Variants in LRRTM4 observed in about 807,000 individuals in gnomAD.
LRRTM4 encodes the protein leucine-rich repeat transmembrane neuronal protein 4.
A neutral mutation model predicts 47.6 loss-of-function variants in LRRTM4; 25 were observed. That is an observed-to-expected ratio of 0.53 (90% confidence interval 0.38 to 0.73). LRRTM4 has a LOEUF of 0.73. Among genes scored for constraint, LRRTM4 ranks in the 30% least tolerant of loss-of-function variants. LRRTM4 has a pLI of 0.00. For synonymous variants in LRRTM4, 311 were observed against 269.5 expected, an observed-to-expected ratio of 1.15 and a Z score of -1.51; for missense variants, 638 against 713.4, an observed-to-expected ratio of 0.89 and a Z score of 1.20.
intron 3 of LRRTM4, among the ~76,000 whole-genome samples, chr2:77,183,144 G>T (rs1363704536): frequency 6.6e-6 from 1 of 152,086 alleles, no homozygotes; most frequent in Admixed American, 6.6e-5. Flanking sequence ...AGAGTGAACA[G>T]GCAACCTACA....
At chr2:77,428,778 A>T (rs1248136692) in intron 3 of LRRTM4, among the ~76,000 whole-genome samples, 1 of 152,208 alleles carries the variant, frequency 6.6e-6, no homozygotes, top group Non-Finnish European at 1.5e-5. Context: ...GTAAAGTTTC[A>T]TTATTGAGAC....
chr2:76,983,648 C>T (rs950126043), intron 3 of LRRTM4, among the ~76,000 whole-genome samples: 1 of 152,112 alleles, frequency 6.6e-6, no homozygotes, highest in Non-Finnish European at 1.5e-5. Flanking sequence ...TGAGAATAGA[C>T]TTATACAGTA....
At chr2:77,120,046 A>G (rs1273596677) in intron 3 of LRRTM4, among the ~76,000 whole-genome samples, 2 of 151,842 alleles carry the variant, frequency 1.3e-5, no homozygotes, top group Non-Finnish European at 2.9e-5. Context: ...GCTTTCATGT[A>G]GTGACTCAGT....
At chr2:76,934,117 T>C (rs981454006) in intron 3 of LRRTM4, among the ~76,000 whole-genome samples, 1 of 152,162 alleles carries the variant, frequency 6.6e-6, no homozygotes, top group Non-Finnish European at 1.5e-5. Flanking sequence ...AGAACCTTAC[T>C]CTGCAGAAAA....
chr2:76,748,513 A>G lies in LRRTM4; in HGVS notation c.*182T>C. ...TCTGCAGTCCTCCCGGTAATGCTGC[A>G]GGTGCATTCGCTGCCCTCTTCAAGC... On this transcript the variant is annotated 3_prime_UTR_variant, in exon 4 of 4. Coordinates refer to ENST00000409884, the MANE Select transcript of LRRTM4 (RefSeq NM_001134745.3). 1.7e-6 allele frequency: 1 copy of G among 596,514 alleles called. No homozygotes were observed. The highest frequency in any genetic ancestry group is 3.0e-6 in the Non-Finnish European group (1 of 336,840). 37.0% of individuals were successfully genotyped at this position (596,514 alleles called of 1,614,324 possible). A position where few individuals can be genotyped will look rare whatever the true frequency, so the allele number is the denominator to read the frequency against.
chr2:77,244,916 A>T (rs10196405), intron 3 of LRRTM4, among the ~76,000 whole-genome samples: 1 of 151,840 alleles, frequency 6.6e-6, no homozygotes, highest in Non-Finnish European at 1.5e-5. Context: ...GAAAGCAGAT[A>T]CTTTCCTGGT....
chr2:77,178,808 C>G (rs1339427269), intron 3 of LRRTM4, among the ~76,000 whole-genome samples: 2 of 152,036 alleles, frequency 1.3e-5, no homozygotes, highest in Non-Finnish European at 2.9e-5. Context: ...TCCCTAATAT[C>G]AAATTCTAGA....
intron 3 of LRRTM4, among the ~76,000 whole-genome samples, chr2:77,391,873 A>G (rs1451903471): frequency 6.6e-6 from 1 of 152,042 alleles, no homozygotes; most frequent in Admixed American, 6.6e-5. Context: ...CTGACAGAAC[A>G]GACTGTAGCA....
intron 3 of LRRTM4, among the ~76,000 whole-genome samples, chr2:76,846,153 G>A (rs572182145): frequency 4.8e-4 from 73 of 152,130 alleles, no homozygotes; most frequent in Middle Eastern, 6.8e-3. Context: ...TATTCCTATG[G>A]GATCCCGAAT....
At chr2:77,136,567 G>A (rs768577186) in intron 3 of LRRTM4, among the ~76,000 whole-genome samples, 26 of 152,256 alleles carry the variant, frequency 1.7e-4, no homozygotes, top group Admixed American at 3.9e-4. Context: ...AAATCAGAGC[G>A]CCTCTCCCCT....
At chr2:77,503,415 T>G (rs1344255) in intron 3 of LRRTM4, among the ~76,000 whole-genome samples, 97,815 of 151,374 alleles carry the variant, frequency 0.65, 32,436 homozygotes, top group African/African-American at 0.72. Context: ...ATACCAGGAA[T>G]AAAAACGTGG....
At position 77,464,487 on chromosome 2, in the gene LRRTM4, T is replaced by C. The variant is rs565686195; in HGVS notation, c.1551+53831A>G. 9.2e-5 allele frequency among the ~76,000 whole-genome samples: 14 copies of C among 152,260 alleles called. 1 individual carries two copies. The highest frequency in any genetic ancestry group is 3.1e-4 in the African/African-American group (13 of 41,570). ...ATGTTATTTCAGCATGTAATTGATA[T>C]AAAATTATTAATGAGCTATTTCCTT... On this transcript the variant is annotated intron_variant, in intron 3 of 3. Coordinates refer to ENST00000409884, the MANE Select transcript of LRRTM4 (RefSeq NM_001134745.3).
At chr2:77,440,409 G>A (rs1034431198) in intron 3 of LRRTM4, among the ~76,000 whole-genome samples, 10 of 151,644 alleles carry the variant, frequency 6.6e-5, no homozygotes, top group East Asian at 1.9e-4. Flanking sequence ...GTGAGACTCC[G>A]CCTCAAAAAA....
intron 3 of LRRTM4, among the ~76,000 whole-genome samples, chr2:76,995,330 T>C (rs1009835878): frequency 3.3e-5 from 5 of 152,094 alleles, no homozygotes; most frequent in African/African-American, 1.2e-4. Flanking sequence ...ACAATGTTTA[T>C]GCTTGTGAAT....
chr2:77,515,277 A>G (rs142721592), intron 3 of LRRTM4, among the ~76,000 whole-genome samples: 12 of 152,012 alleles, frequency 7.9e-5, no homozygotes, highest in Non-Finnish European at 1.3e-4. Context: ...TGGTATGTGC[A>G]CACAGACTTT....
chr2:77,139,472 G>A (rs188699859), intron 3 of LRRTM4, among the ~76,000 whole-genome samples: 29 of 152,106 alleles, frequency 1.9e-4, no homozygotes, highest in African/African-American at 5.1e-4. Context: ...TTGATGGGGC[G>A]TATCTCAAAA....
At chr2:77,194,082 C>T (rs553903392) in intron 3 of LRRTM4, among the ~76,000 whole-genome samples, 7 of 152,130 alleles carry the variant, frequency 4.6e-5, no homozygotes, top group African/African-American at 9.7e-5. Flanking sequence ...AGAAACATAA[C>T]GGAATGCTTC....
intron 3 of LRRTM4, among the ~76,000 whole-genome samples, chr2:77,481,149 TTATAGAA>T (rs1677687344): frequency 6.6e-6 from 1 of 152,188 alleles, no homozygotes; most frequent in Non-Finnish European, 1.5e-5. Context: ...TTAACTAACC[TTATAGAA>T]TACCTTTTCT....
chr2:77,492,613 C>T (rs558622216), intron 3 of LRRTM4, among the ~76,000 whole-genome samples: 1 of 152,122 alleles, frequency 6.6e-6, no homozygotes, highest in South Asian at 2.1e-4. Context: ...ATTCCTGCAA[C>T]TTTATATATG....
Sources: gnomAD v4.1 joint callset for allele counts (sites outside exome capture counted in the v4.1 genomes callset) on GRCh38, gnomAD v4.1.1 for gene constraint, MANE v1.5 for transcripts, NCBI Gene and HGNC (gene_info 2026-07-23, HGNC 2026-07-21) for gene names.